The following ESR2 variants were observed in gnomAD, a reference collection of about 807,000 sequenced individuals.
ESR2 encodes the protein estrogen receptor 2.
A neutral mutation model predicts 49.6 loss-of-function variants in ESR2; 36 were observed. The observed-to-expected ratio is 0.73, with a 90% CI of 0.56 to 0.96. The LOEUF (loss-of-function observed/expected upper bound fraction) is 0.96. Ranked by LOEUF, ESR2 falls within the 40% of genes least tolerant of loss-of-function variation. The pLI, the probability that ESR2 is intolerant of heterozygous loss-of-function variation, is 0.00. For missense variants in ESR2, 714 were observed against 693.0 expected (o/e 1.03, Z -0.34); for synonymous variants, 320 against 266.1 (o/e 1.20, Z -1.97).
At chr14:64,300,360 C>T (rs1346693956) in intron 1 of ESR2, among the ~76,000 whole-genome samples, 1 of 152,132 alleles carries the variant, frequency 6.6e-6, no homozygotes, top group South Asian at 2.1e-4. Context: ...TCAACCGGAC[C>T]CCATCCCTTC....
At chr14:64,234,758 C>T in intron 8 of ESR2, 1 of 1,100,800 alleles carries the variant, frequency 9.1e-7, no homozygotes, top group Non-Finnish European at 1.2e-6. Context: ...CACTGGCTGC[C>T]ATGCAGAGCC....
At chr14:64,317,442 T>C (rs2077269700) in intron 1 of ESR2, among the ~76,000 whole-genome samples, 1 of 152,152 alleles carries the variant, frequency 6.6e-6, no homozygotes, top group Non-Finnish European at 1.5e-5. Flanking sequence ...GCCCAGCACC[T>C]GACAGCATAT....
chr14:64,232,776 C>G lies in ESR2; in HGVS notation c.*361G>C. 1 of 195,024 alleles carries G rather than the reference C, an allele frequency of 5.1e-6. No individual in the cohort carries two copies. The highest frequency in any genetic ancestry group is 1.1e-5 in the Non-Finnish European group (1 of 94,662). The allele number at this position is 195,024 out of a possible 1,614,324, so 12.1% of individuals were successfully genotyped here. On this transcript the variant is annotated 3_prime_UTR_variant, in exon 9 of 9. Transcript: ENST00000341099. ...TCTGTAAGCGTGTCACTTCCTCTCC[C>G]CTTTCTGATTCGCAGCCCTTCCAAG...
chr14:64,269,871 C>T lies in ESR2; in HGVS notation c.536-960G>A, dbSNP rs117770656. On this transcript the variant is annotated intron_variant, in intron 3 of 8. Coordinates refer to ENST00000341099, the MANE Select transcript of ESR2 (RefSeq NM_001437.3). ...TATATTTCAAAAATTATTTCAGATGCAGTACGAAGAACCAATCAGAGGCAG... is the reference window on the plus strand; with the variant it reads ...TATATTTCAAAAATTATTTCAGATGTAGTACGAAGAACCAATCAGAGGCAG... 4.5e-3 allele frequency among the ~76,000 whole-genome samples: 689 copies of T among 152,152 alleles called. 4 individuals carry two copies. The highest frequency in any genetic ancestry group is 8.0e-3 in the Non-Finnish European group (543 of 68,004).
At chr14:64,326,813 T>C (rs892493776) in intron 1 of ESR2, among the ~76,000 whole-genome samples, 1 of 152,188 alleles carries the variant, frequency 6.6e-6, no homozygotes, top group Admixed American at 6.5e-5. Context: ...TATACCTTTC[T>C]CTTCAGTATC....
intron 7 of ESR2, among the ~76,000 whole-genome samples, chr14:64,239,150 C>T (rs144123427): frequency 6.6e-6 from 1 of 152,348 alleles, no homozygotes; most frequent in Non-Finnish European, 1.5e-5. Context: ...CGCCCTCTGT[C>T]ACCACCTCCT....
At position 64,257,275 on chromosome 14, in the gene ESR2, T is replaced by C. The variant is rs372274623; in HGVS notation, c.1042A>G (p.Ile348Val). 4.3e-5 allele frequency: 69 copies of C among 1,614,162 alleles called. No homozygotes were observed. The highest frequency in any genetic ancestry group is 2.0e-4 in the Admixed American group (12 of 60,022). ...AAGATGAGCTTGCCGGGGTGGTCAA[T>C]TGAGCGCCACATCAGCCCCATCATT... The part of the protein sequence containing the change: ...VLMMGLMWRS[I>V]DHPGKLIFAP... The change falls in exon 6 of 9, where the codon ATT (isoleucine) becomes GTT (valine). Residue 348 changes from isoleucine to valine, a missense_variant. Physicochemically the swap from Ile to Val is conservative, Grantham distance 29. Coordinates refer to ENST00000341099, the MANE Select transcript of ESR2 (RefSeq NM_001437.3).
At chr14:64,278,459 G>A (rs1437069619) in intron 3 of ESR2, among the ~76,000 whole-genome samples, 1 of 152,164 alleles carries the variant, frequency 6.6e-6, no homozygotes, top group Non-Finnish European at 1.5e-5. Flanking sequence ...CATCCTCTTA[G>A]AGTTATCAAT....
rs112257090 is a variant in ESR2, at chr14:64,264,797, C to T, written c.652+3998G>A. Among the ~76,000 whole-genome samples the T allele has an allele frequency of 6.2e-3, 933 of 150,738 alleles. 9 individuals carry two copies. The highest frequency in any genetic ancestry group is 0.021 in the African/African-American group (857 of 41,010). ...CTGAGGTGGGAGAATCAATTGAGCC[C>T]GAGGAGGTAAAAGTTGCAGTAAGCC... On this transcript the variant is annotated intron_variant, in intron 4 of 8. Coordinates refer to ENST00000341099, the MANE Select transcript of ESR2 (RefSeq NM_001437.3).
At chr14:64,257,192 A>T (rs1396671885) in intron 6 of ESR2, 34 bp downstream of exon 6, 2 of 1,605,776 alleles carry the variant, frequency 1.2e-6, no homozygotes, top group African/African-American at 1.3e-5. Flanking sequence ...TACTCAAACA[A>T]GTCAGAGAAG....
At chr14:64,336,466 T>C (rs2077533441) in intron 1 of ESR2, 1 of 152,230 alleles carries the variant, frequency 6.6e-6, no homozygotes, top group Non-Finnish European at 1.5e-5. Context: ...CTGTAACATT[T>C]AACAGTTAAT....
At chr14:64,235,959 T>G (rs144022293) in intron 7 of ESR2, among the ~76,000 whole-genome samples, 8 of 152,290 alleles carry the variant, frequency 5.3e-5, no homozygotes, top group African/African-American at 1.7e-4. Context: ...GACTCCTTGA[T>G]TCCCTTTAAT....
In ESR2 at chr14:64,260,606, G is replaced by A. The variant is rs554390029; in HGVS notation, c.795C>T (p.Pro265=). ...VRELLLDALS[P]EQLVLTLLEA... is the part of the protein sequence containing the mutation. The stretch of plus-strand genomic sequence containing the variant: ...CCAGGAGGGTGAGCACTAGCTGCTC[G>A]GGGCTCAGGGCGTCCAGCAGCAGCT... Residue 265 remains proline, a synonymous_variant, in exon 5 of 9, where the codon CCC becomes CCT. Transcript: ENST00000341099. 4 of 1,610,774 alleles carry A rather than the reference G, an allele frequency of 2.5e-6. No homozygotes were observed. The highest frequency in any genetic ancestry group is 1.1e-5 in the South Asian group (1 of 90,740).
At chr14:64,275,824 A>G (rs1360723971) in intron 3 of ESR2, among the ~76,000 whole-genome samples, 1 of 152,214 alleles carries the variant, frequency 6.6e-6, no homozygotes, top group African/African-American at 2.4e-5. Context: ...GTGGTTTTCT[A>G]TGTACTTACT....
intron 1 of ESR2, among the ~76,000 whole-genome samples, chr14:64,299,486 A>G (rs1033072904): frequency 2.0e-5 from 3 of 150,720 alleles, no homozygotes; most frequent in Admixed American, 1.3e-4. Context: ...CAGCCCCCCA[A>G]GTAGCTGAGA....
intron 7 of ESR2, among the ~76,000 whole-genome samples, chr14:64,237,378 C>G (rs2075626504): frequency 6.6e-6 from 1 of 152,162 alleles, no homozygotes; most frequent in South Asian, 2.1e-4. Flanking sequence ...TTATTTCAAG[C>G]TTACTTTCCC....
chr14:64,282,238 G>T (rs538637039), intron 2 of ESR2, among the ~76,000 whole-genome samples: 1 of 152,086 alleles, frequency 6.6e-6, no homozygotes, highest in Admixed American at 6.5e-5. Flanking sequence ...CCAGCTACTC[G>T]GGAGACTAAG....
chr14:64,257,363 G>T lies in ESR2; in HGVS notation c.954C>A (p.Gly318=). The T allele has an allele frequency of 6.2e-7, 1 of 1,612,688 alleles. No homozygotes were observed. The highest frequency in any genetic ancestry group is 8.5e-7 in the Non-Finnish European group (1 of 1,180,016). ...GGTCGAACAGGCTGAGCTCCACAAA[G>T]CCTGGGGAAAGCAAGAGGCGGTGAG... ...HMISWAKKIP[G]FVELSLFDQV... The change falls in exon 6 of 9, where the codon GGC becomes GGA. Residue 318 remains glycine (G), a splice_region_variant and synonymous_variant. Transcript: ENST00000341099.
At position 64,260,650 on chromosome 14, in the gene ESR2, GGCCGCCACTT is replaced by G; in HGVS notation, c.741_750del (p.Arg247SerfsTer14). 1 of 1,600,146 alleles carries G rather than the reference GGCCGCCACTT, an allele frequency of 6.2e-7. No individual in the cohort carries two copies. The highest frequency in any genetic ancestry group is 8.5e-7 in the Non-Finnish European group (1 of 1,173,262). ...AGCAGCTCCCGCACTCGGGGCGCGT[GGCCGCCACTT>G]CTCTTGGCCTTGCCGGCACAGTGCA... On this transcript the variant is annotated frameshift_variant, in exon 5 of 9. Coordinates refer to ENST00000341099, the MANE Select transcript of ESR2 (RefSeq NM_001437.3). LOFTEE classifies it high-confidence loss of function.
Sources: allele counts gnomAD v4.1 joint callset (sites outside exome capture counted in the v4.1 genomes callset), GRCh38; gene constraint gnomAD v4.1.1; transcripts MANE v1.5; gene names NCBI Gene and HGNC (gene_info 2026-07-23, HGNC 2026-07-21).